The following DGKB variants were observed in gnomAD, a reference collection of about 807,000 sequenced individuals.
The protein encoded by DGKB is diacylglycerol kinase beta, also known as 90 kDa diacylglycerol kinase.
Under a neutral mutation model 114.3 loss-of-function variants are expected in DGKB, and 67 were observed. That is an observed-to-expected ratio of 0.59 (90% CI 0.48 to 0.72). The LOEUF (loss-of-function observed/expected upper bound fraction) is 0.72, where lower values mean the gene tolerates loss of function less well. Ranked by LOEUF, DGKB falls within the 30% of genes least tolerant of loss-of-function variation. DGKB has a pLI of 0.00. For synonymous variants in DGKB, 398 were observed against 323.1 expected (o/e 1.23, Z -2.49); for missense variants, 907 against 975.2 (o/e 0.93, Z 0.93).
chr7:14,150,330 G>A (rs553547844), intron 25 of DGKB, among the ~76,000 whole-genome samples: 2 of 152,182 alleles, frequency 1.3e-5, no homozygotes, highest in South Asian at 4.1e-4. Context: ...CTCTTAAAGT[G>A]CATACCTGAC....
chr7:14,698,634 T>C (rs73680193), intron 7 of DGKB, among the ~76,000 whole-genome samples: 2,550 of 152,248 alleles, frequency 0.017, 61 homozygotes, highest in African/African-American at 0.058. Context: ...TTGAATAATT[T>C]GCTCTTGAAA....
intron 1 of DGKB, among the ~76,000 whole-genome samples, chr7:14,909,241 T>C (rs1324169457): frequency 2.6e-5 from 4 of 152,204 alleles, no homozygotes; most frequent in African/African-American, 4.8e-5. Flanking sequence ...ATTCGTTTCA[T>C]CCTACGGTGA....
intron 1 of DGKB, among the ~76,000 whole-genome samples, chr7:14,853,911 A>C (rs1392661481): frequency 2.0e-5 from 3 of 151,446 alleles, no homozygotes; most frequent in African/African-American, 7.3e-5. Context: ...TAAAATGGTA[A>C]TTGGTAGAAA....
At chr7:14,158,413 C>T (rs1453607038) in intron 25 of DGKB, among the ~76,000 whole-genome samples, 2 of 152,136 alleles carry the variant, frequency 1.3e-5, no homozygotes, top group African/African-American at 2.4e-5. Flanking sequence ...CATTTACTAA[C>T]CATCAGAGAG....
intron 8 of DGKB, among the ~76,000 whole-genome samples, chr7:14,697,394 GAAAAC>G (rs1824134882): frequency 2.6e-5 from 4 of 152,064 alleles, no homozygotes. Flanking sequence ...ACTGTGCATG[GAAAAC>G]TACCATCTTC....
intron 21 of DGKB, among the ~76,000 whole-genome samples, chr7:14,393,518 T>C (rs2128713290): frequency 6.6e-6 from 1 of 152,320 alleles, no homozygotes. Flanking sequence ...TACATAAATA[T>C]CTTTAATTTT....
At chr7:14,313,647 G>C (rs543248942) in intron 23 of DGKB, among the ~76,000 whole-genome samples, 6 of 152,202 alleles carry the variant, frequency 3.9e-5, no homozygotes, top group Admixed American at 1.3e-4. Context: ...ACGGAGTCTC[G>C]CTGATTGCTA....
chr7:14,913,787 T>C (rs1784105933), intron 1 of DGKB, among the ~76,000 whole-genome samples: 1 of 152,106 alleles, frequency 6.6e-6, no homozygotes, highest in Non-Finnish European at 1.5e-5. Flanking sequence ...ATAAAGGGCA[T>C]GGAAGTCATC....
rs145515263 is a variant in DGKB, at chr7:14,786,269, C to T, written c.71-28538G>A. ...CTAACTAATCCTAACTGGTTATAAT[C>T]GGTTGAATGTGTGCATGTTTGTGTG... On this transcript the variant is annotated intron_variant, in intron 2 of 25. Coordinates refer to ENST00000402815, the MANE Select transcript of DGKB (RefSeq NM_001350709.2). Among the ~76,000 whole-genome samples, 1,031 of 152,198 alleles carry T rather than the reference C, an allele frequency of 6.8e-3. 8 individuals are homozygous for T. Among genetic ancestry groups the T allele is most frequent in the African/African-American group, 0.02 (829 of 41,550 alleles).
At chr7:14,689,298 C>T (rs1171665773) in intron 9 of DGKB, among the ~76,000 whole-genome samples, 2 of 148,322 alleles carry the variant, frequency 1.3e-5, no homozygotes, top group African/African-American at 2.5e-5. Flanking sequence ...CTCCGCCTCC[C>T]GGGTTCGTGC....
chr7:14,853,611 A>G (rs1385796086), intron 1 of DGKB, among the ~76,000 whole-genome samples: 2 of 151,952 alleles, frequency 1.3e-5, no homozygotes, highest in Non-Finnish European at 2.9e-5. Flanking sequence ...TCACGCCTGT[A>G]ATTGGGAGGC....
intron 9 of DGKB, among the ~76,000 whole-genome samples, chr7:14,687,309 T>C (rs1465238926): frequency 6.6e-6 from 1 of 152,192 alleles, no homozygotes; most frequent in Non-Finnish European, 1.5e-5. Flanking sequence ...ATTCTTGACA[T>C]TGCTCAGATT....
intron 13 of DGKB, among the ~76,000 whole-genome samples, chr7:14,666,327 G>A (rs1195511515): frequency 1.3e-5 from 2 of 151,912 alleles, no homozygotes; most frequent in African/African-American, 2.4e-5. Context: ...TTTAATTTAA[G>A]AGAAACTGAG....
At chr7:14,888,326 A>C (rs962752140) in intron 1 of DGKB, among the ~76,000 whole-genome samples, 5 of 151,538 alleles carry the variant, frequency 3.3e-5, no homozygotes, top group African/African-American at 1.2e-4. Context: ...CATTCCATAC[A>C]CCAGTGTTGA....
At chr7:14,713,138 A>T (rs1262271426) in intron 6 of DGKB, among the ~76,000 whole-genome samples, 1 of 150,754 alleles carries the variant, frequency 6.6e-6, no homozygotes, top group Admixed American at 6.6e-5. Flanking sequence ...TTAAAAGATC[A>T]GAGCAAAGGC....
chr7:14,165,779 A>T (rs1009005509), intron 25 of DGKB, among the ~76,000 whole-genome samples: 3 of 152,178 alleles, frequency 2.0e-5, no homozygotes, highest in African/African-American at 7.2e-5. Flanking sequence ...ACAATGGTTT[A>T]TGTTGCTTCT....
At chr7:14,498,220 C>A (rs907300093) in intron 20 of DGKB, among the ~76,000 whole-genome samples, 3 of 151,816 alleles carry the variant, frequency 2.0e-5, no homozygotes, top group Non-Finnish European at 2.9e-5. Context: ...ACACATTCTC[C>A]TTAATAGCAT....
At chr7:14,821,082 T>C (rs546085437) in intron 2 of DGKB, among the ~76,000 whole-genome samples, 1 of 152,286 alleles carries the variant, frequency 6.6e-6, no homozygotes, top group South Asian at 2.1e-4. Flanking sequence ...AAAAGGTCTA[T>C]TCACATTTAA....
At chr7:14,656,523 C>T (rs1047893665) in intron 13 of DGKB, among the ~76,000 whole-genome samples, 7 of 151,320 alleles carry the variant, frequency 4.6e-5, no homozygotes, top group Admixed American at 1.3e-4. Context: ...GACACTGCAT[C>T]CTGAATATAT....
Sources: allele counts gnomAD v4.1 joint callset (sites outside exome capture counted in the v4.1 genomes callset), GRCh38; gene constraint gnomAD v4.1.1; transcripts MANE v1.5; gene names NCBI Gene and HGNC (gene_info 2026-07-23, HGNC 2026-07-21).